C8orf34: variants seen among roughly 807,000 people sequenced by gnomAD.
The protein encoded by C8orf34 is chromosome 8 open reading frame 34, also known as uncharacterized protein C8orf34.
In C8orf34, 65 loss-of-function variants were observed where a neutral mutation model predicts 68.3. That is an observed-to-expected ratio of 0.95 (90% CI 0.78 to 1.17). The LOEUF is 1.17. Ranked by LOEUF, C8orf34 falls within the 50% of genes most tolerant of loss-of-function variation. The pLI, the probability that C8orf34 is intolerant of heterozygous loss-of-function variation, is 0.00. For missense variants in C8orf34, 664 were observed against 655.4 expected (o/e 1.01, Z -0.14); for synonymous variants, 244 against 241.2 (o/e 1.01, Z -0.11).
At chr8:68,791,524 C>T (rs1823993045) in intron 12 of C8orf34, 1 of 152,138 alleles carries the variant, frequency 6.6e-6, no homozygotes, top group Non-Finnish European at 1.5e-5. Flanking sequence ...TAGCCAGTAC[C>T]CTCTAATTAC....
chr8:68,345,723 T>C (rs977699612), intron 1 of C8orf34, among the ~76,000 whole-genome samples: 2 of 151,994 alleles, frequency 1.3e-5, no homozygotes, highest in Non-Finnish European at 2.9e-5. Context: ...ATGTGTGTAT[T>C]TATACATATA....
At chr8:68,422,534 G>A (rs1044718504) in intron 1 of C8orf34, among the ~76,000 whole-genome samples, 1 of 152,150 alleles carries the variant, frequency 6.6e-6, no homozygotes, top group East Asian at 1.9e-4. Flanking sequence ...GTTTTGCAGG[G>A]TACAGCCCAC....
chr8:68,720,336 T>C (rs1394495988), intron 9 of C8orf34, among the ~76,000 whole-genome samples: 1 of 151,966 alleles, frequency 6.6e-6, no homozygotes, highest in Non-Finnish European at 1.5e-5. Context: ...ACTCCATGAT[T>C]CAAAAGCTAT....
At chr8:68,428,819 T>C (rs1283768463) in intron 1 of C8orf34, among the ~76,000 whole-genome samples, 1 of 152,104 alleles carries the variant, frequency 6.6e-6, no homozygotes, top group Non-Finnish European at 1.5e-5. Flanking sequence ...ACTTGATTCA[T>C]GACAAAGGCA....
At chr8:68,462,128 AG>A (rs1811863126) in intron 3 of C8orf34, among the ~76,000 whole-genome samples, 1 of 152,130 alleles carries the variant, frequency 6.6e-6, no homozygotes, top group Non-Finnish European at 1.5e-5. Context: ...AAAAAAAGGC[AG>A]GGGTTGCAAT....
rs1824295471 is a variant in C8orf34, at chr8:68,800,339, T to C, written c.1549+12803T>C. 2.0e-5 allele frequency among the ~76,000 whole-genome samples: 3 copies of C among 152,172 alleles called. No individual in the cohort carries two copies. The South Asian group carries it at 6.2e-4, about 31-fold the overall frequency. On this transcript the variant is annotated intron_variant, in intron 12 of 13. Coordinates refer to ENST00000518698, the MANE Select transcript of C8orf34 (RefSeq NM_052958.4). ...TAAGCACCTCCCTGAGACACATTTT[T>C]TGTACAAAAGACTGTAGAGTAATTT...
intron 8 of C8orf34, among the ~76,000 whole-genome samples, chr8:68,678,895 A>C (rs1403171338): frequency 6.6e-6 from 1 of 152,002 alleles, no homozygotes; most frequent in Admixed American, 6.6e-5. Context: ...ACTGATAAAC[A>C]AAGTCAGTAA....
At chr8:68,619,251 G>T (rs544713777) in intron 7 of C8orf34, among the ~76,000 whole-genome samples, 1 of 152,308 alleles carries the variant, frequency 6.6e-6, no homozygotes, top group African/African-American at 2.4e-5. Flanking sequence ...ACTTGAGCCT[G>T]GGAGACAGAG....
intron 7 of C8orf34, among the ~76,000 whole-genome samples, chr8:68,548,301 T>G (rs930458235): frequency 7.2e-5 from 11 of 151,764 alleles, no homozygotes; most frequent in Non-Finnish European, 1.2e-4. Context: ...CTGACAAATG[T>G]GTATCTAAAA....
rs1047986415 is a variant in C8orf34 at position 68,460,239 on chromosome 8, G to A, written c.608-8453G>A. 3.3e-5 allele frequency among the ~76,000 whole-genome samples: 5 copies of A among 152,320 alleles called. No individual in the cohort carries two copies. In the East Asian group the frequency reaches 7.7e-4, roughly 24 times the overall value. On this transcript the variant is annotated intron_variant, in intron 3 of 13. Coordinates refer to ENST00000518698, the MANE Select transcript of C8orf34 (RefSeq NM_052958.4). ...GCAAGGCAGCAGCGAGGCTGGGGGA[G>A]GGGCGCCCGCCATTGCCCAGGCTTG...
At chr8:68,578,865 T>C (rs1460749859) in intron 7 of C8orf34, among the ~76,000 whole-genome samples, 3 of 152,228 alleles carry the variant, frequency 2.0e-5, no homozygotes, top group East Asian at 1.9e-4. Flanking sequence ...AATACTATAT[T>C]GTTTAAGAGT....
At chr8:68,460,086 CTAA>C (rs1811732460) in intron 3 of C8orf34, among the ~76,000 whole-genome samples, 3 of 152,308 alleles carry the variant, frequency 2.0e-5, no homozygotes, top group African/African-American at 7.2e-5. Flanking sequence ...CACTCCCACC[CTAA>C]TACTGTGCTT....
chr8:68,345,426 A>G (rs1351475078), intron 1 of C8orf34, among the ~76,000 whole-genome samples: 1 of 152,018 alleles, frequency 6.6e-6, no homozygotes, highest in Non-Finnish European at 1.5e-5. Flanking sequence ...AAAGCCAAAA[A>G]GTGCAAGAAT....
chr8:68,723,120 T>C (rs2129526530), intron 10 of C8orf34, among the ~76,000 whole-genome samples: 1 of 152,250 alleles, frequency 6.6e-6, no homozygotes, highest in South Asian at 2.1e-4. Context: ...ACATCCTTAA[T>C]ATTTTTAGTG....
intron 10 of C8orf34, among the ~76,000 whole-genome samples, chr8:68,731,529 A>G (rs2129526868): frequency 6.6e-6 from 1 of 152,318 alleles, no homozygotes; most frequent in Non-Finnish European, 1.5e-5. Context: ...ACTCTTTAAA[A>G]TTGAATATGA....
intron 10 of C8orf34, among the ~76,000 whole-genome samples, chr8:68,744,609 C>T (rs1381502800): frequency 2.0e-5 from 3 of 151,452 alleles, no homozygotes; most frequent in Middle Eastern, 3.5e-3. Flanking sequence ...GGAGCCGATG[C>T]GATCAACTGG....
At chr8:68,535,380 G>A in intron 7 of C8orf34, 1 of 984,522 alleles carries the variant, frequency 1.0e-6, no homozygotes, top group South Asian at 4.7e-5. Context: ...AGATATAACT[G>A]GCTGAAAAAT....
chr8:68,718,002 C>T (rs1365107363), intron 9 of C8orf34, among the ~76,000 whole-genome samples: 2 of 152,182 alleles, frequency 1.3e-5, no homozygotes, highest in Non-Finnish European at 1.5e-5. Context: ...GGTTTCTGCT[C>T]ATAGATATTC....
intron 7 of C8orf34, among the ~76,000 whole-genome samples, chr8:68,548,759 A>T (rs1213728906): frequency 6.6e-6 from 1 of 151,838 alleles, no homozygotes; most frequent in African/African-American, 2.4e-5. Flanking sequence ...CCCAAACAGA[A>T]CACAATACAA....
Sources: allele counts gnomAD v4.1 joint callset (sites outside exome capture counted in the v4.1 genomes callset), GRCh38; gene constraint gnomAD v4.1.1; transcripts MANE v1.5; gene names NCBI Gene and HGNC (gene_info 2026-07-23, HGNC 2026-07-21).